The following AAK1 variants were observed in gnomAD, a reference collection of about 807,000 sequenced individuals.
AAK1 encodes the protein AP2-associated protein kinase 1.
In AAK1, 37 loss-of-function variants were observed where a neutral mutation model predicts 116.0. The observed-to-expected ratio is 0.32, with a 90% CI of 0.25 to 0.42. The LOEUF is 0.42. AAK1 is among the 10% of genes least tolerant of loss of function. AAK1 has a pLI of 1.00. For synonymous variants in AAK1, 458 were observed against 439.9 expected, an observed-to-expected ratio of 1.04 and a Z score of -0.51; for missense variants, 919 against 1,170.6, an observed-to-expected ratio of 0.79 and a Z score of 3.14.
At chr2:69,514,041 A>G (rs1676489348) in intron 13 of AAK1, among the ~76,000 whole-genome samples, 1 of 152,206 alleles carries the variant, frequency 6.6e-6, no homozygotes, top group South Asian at 2.1e-4. Flanking sequence ...TAATGTGATT[A>G]GTAATGTCAT....
chr2:69,491,273 T>C (rs1406190853), intron 17 of AAK1, among the ~76,000 whole-genome samples: 1 of 152,134 alleles, frequency 6.6e-6, no homozygotes, highest in Non-Finnish European at 1.5e-5. Flanking sequence ...ATGCTGGTAC[T>C]ACTTATAGCT....
chr2:69,522,014 C>A (rs1293372731), intron 10 of AAK1, among the ~76,000 whole-genome samples: 2 of 152,164 alleles, frequency 1.3e-5, no homozygotes, highest in African/African-American at 2.4e-5. Flanking sequence ...TCACTTTGGA[C>A]TTTCTGTAAT....
chr2:69,553,993 C>T (rs1323298726), intron 3 of AAK1, among the ~76,000 whole-genome samples: 2 of 151,370 alleles, frequency 1.3e-5, no homozygotes, highest in African/African-American at 4.9e-5. Context: ...AGGAGAATTG[C>T]TTGAGACCAG....
intron 13 of AAK1, among the ~76,000 whole-genome samples, chr2:69,513,138 T>A (rs1676454035): frequency 6.6e-6 from 1 of 152,204 alleles, no homozygotes; most frequent in African/African-American, 2.4e-5. Context: ...AGACTCACTG[T>A]CTACTCCATG....
At chr2:69,524,710 G>C (rs1423818935) in intron 10 of AAK1, among the ~76,000 whole-genome samples, 1 of 152,308 alleles carries the variant, frequency 6.6e-6, no homozygotes, top group Non-Finnish European at 1.5e-5. Flanking sequence ...TGGGATTATA[G>C]ACGTGAAACA....
intron 2 of AAK1, among the ~76,000 whole-genome samples, chr2:69,616,742 C>T (rs963998329): frequency 1.3e-5 from 2 of 152,198 alleles, no homozygotes; most frequent in Non-Finnish European, 2.9e-5. Context: ...TTGAGACCTA[C>T]TGGTCTAAAT....
chr2:69,535,058 C>A (rs1464265103), intron 5 of AAK1, among the ~76,000 whole-genome samples: 1 of 152,254 alleles, frequency 6.6e-6, no homozygotes, highest in African/African-American at 2.4e-5. Context: ...TATTCAGCAT[C>A]ATTCAGCAAC....
At chr2:69,513,545 G>C in intron 13 of AAK1, among the ~76,000 whole-genome samples, 1 of 152,166 alleles carries the variant, frequency 6.6e-6, no homozygotes, top group East Asian at 1.9e-4. Flanking sequence ...GGATGGTCTC[G>C]ATCTCCTGAC....
At chr2:69,538,140 G>C (rs1469783300) in intron 5 of AAK1, among the ~76,000 whole-genome samples, 1 of 152,252 alleles carries the variant, frequency 6.6e-6, no homozygotes, top group East Asian at 1.9e-4. Flanking sequence ...GGTTGAATCT[G>C]CAGATGTGGA....
chr2:69,476,004 G>C, intron 21 of AAK1, 41 bp from the exon 22 acceptor site: 1 of 1,584,536 alleles, frequency 6.3e-7, no homozygotes, highest in African/African-American at 1.3e-5. Context: ...AAACATAGAG[G>C]GTTAAGGTTT....
At chr2:69,500,664 A>AATAT (rs34635707) in intron 16 of AAK1, among the ~76,000 whole-genome samples, 765 of 60,712 alleles carry the variant, frequency 0.013, 25 homozygotes, top group East Asian at 0.028. Flanking sequence ...AGTCCCTTAA[A>AATAT]ATATATATAT....
At chr2:69,563,369 G>A (rs1444605111) in intron 2 of AAK1, among the ~76,000 whole-genome samples, 1 of 152,176 alleles carries the variant, frequency 6.6e-6, no homozygotes, top group African/African-American at 2.4e-5. Flanking sequence ...CAAATAATGA[G>A]AATGATTAGA....
At chr2:69,500,694 T>TACACAC (rs1355670597) in intron 16 of AAK1, among the ~76,000 whole-genome samples, 17 of 110,072 alleles carry the variant, frequency 1.5e-4, no homozygotes, top group African/African-American at 6.7e-4. Context: ...TATATATATA[T>TACACAC]ATATACACAC....
At chr2:69,563,556 C>A (rs1261094481) in intron 2 of AAK1, among the ~76,000 whole-genome samples, 3 of 152,174 alleles carry the variant, frequency 2.0e-5, no homozygotes, top group Non-Finnish European at 2.9e-5. Flanking sequence ...GTCCTATATA[C>A]ACTTTTGGGA....
In AAK1 at chr2:69,474,445, G is replaced by A. The variant is rs1157713287; in HGVS notation, c.*1424C>T. 2.5e-5 allele frequency: 25 copies of A among 985,464 alleles called. No homozygotes were observed. The highest frequency in any genetic ancestry group is 3.0e-5 in the Non-Finnish European group (25 of 829,910). 61.0% of individuals were successfully genotyped at this position (985,464 alleles called of 1,614,324 possible). A position where few individuals can be genotyped will look rare whatever the true frequency, so the allele number is the denominator to read the frequency against. On this transcript the variant is annotated 3_prime_UTR_variant, in exon 22 of 22. Transcript: ENST00000409085. ...TTAATGAGTAAGTACATATAGAGAG[G>A]GTGACCATGAGGCATGTTGTCATGT...
At chr2:69,637,356 T>C (rs891214569) in intron 2 of AAK1, among the ~76,000 whole-genome samples, 1 of 152,188 alleles carries the variant, frequency 6.6e-6, no homozygotes, top group South Asian at 2.1e-4. Context: ...TGAAATCCTA[T>C]GACTGTGAGG....
In AAK1 at chr2:69,465,601, C is replaced by G. The variant is rs941613413; in HGVS notation, c.*10268G>C. On this transcript the variant is annotated 3_prime_UTR_variant, in exon 22 of 22. Transcript: ENST00000409085. ...ATGGGCTGGGCTTCTGGACTTGGCT[C>G]GTCTTCTGGGCTATAGTGACGGGAA... 1.5e-6 allele frequency: 2 copies of G among 1,290,844 alleles called. No homozygotes were observed. Among genetic ancestry groups the G allele is most frequent in the Non-Finnish European group, 1.0e-6 (1 of 988,898 alleles). The allele number at this position is 1,290,844 out of a possible 1,614,324, so 80.0% of individuals were successfully genotyped here. A position where few individuals can be genotyped will look rare whatever the true frequency, so the allele number is the denominator to read the frequency against.
At chr2:69,520,686 G>A (rs970273155) in intron 11 of AAK1, 148 bp downstream of exon 11, 8 of 949,372 alleles carry the variant, frequency 8.4e-6, no homozygotes, top group South Asian at 4.7e-5. Context: ...CAATTTCAAG[G>A]GCAGCTTCCT....
chr2:69,603,926 T>C lies in AAK1; in HGVS notation c.163+38952A>G, dbSNP rs140043978. Among the ~76,000 whole-genome samples, 395 of 152,346 alleles carry C rather than the reference T, an allele frequency of 2.6e-3. 1 individual carries two copies. Among genetic ancestry groups the C allele is most frequent in the Non-Finnish European group, 4.5e-3 (304 of 68,032 alleles). On this transcript the variant is annotated intron_variant, in intron 2 of 21. Transcript: ENST00000409085. Reference sequence around the variant, plus strand: ...CCTGATGCACTGATGCTGTTTTCTATCTGTGGCTGAAAAATGAGGTATTTT... The same window carrying C: ...CCTGATGCACTGATGCTGTTTTCTACCTGTGGCTGAAAAATGAGGTATTTT...
Sources: allele counts gnomAD v4.1 joint callset (sites outside exome capture counted in the v4.1 genomes callset), GRCh38; gene constraint gnomAD v4.1.1; transcripts MANE v1.5; gene names NCBI Gene and HGNC (gene_info 2026-07-23, HGNC 2026-07-21).